ZNF141: variants seen among roughly 807,000 people sequenced by gnomAD.
The protein encoded by ZNF141 is zinc finger protein 141.
ZNF141 carries 7 observed loss-of-function variants against 11.3 expected under a neutral mutation model. That is an observed-to-expected ratio of 0.62 (90% CI 0.35 to 1.16). ZNF141 has a LOEUF of 1.16. Among genes scored for constraint, ZNF141 ranks in the 50% most tolerant of loss-of-function variants. ZNF141 has a pLI of 0.02. For missense variants in ZNF141, 535 were observed against 554.0 expected (o/e 0.97, Z 0.34); for synonymous variants, 183 against 190.7 (o/e 0.96, Z 0.33).
chr4:345,493 C>G (rs1721276473), intron 3 of ZNF141, among the ~76,000 whole-genome samples: 1 of 152,092 alleles, frequency 6.6e-6, no homozygotes, highest in Non-Finnish European at 1.5e-5. Context: ...CTAATGATAG[C>G]TGATGAGCTC....
chr4:355,674 T>A (rs1265571150), intron 3 of ZNF141, among the ~76,000 whole-genome samples: 3 of 152,252 alleles, frequency 2.0e-5, no homozygotes, highest in African/African-American at 7.2e-5. Flanking sequence ...TGTTGATTTT[T>A]AAAATCGATT....
In ZNF141 at chr4:373,550, A is replaced by G; in HGVS notation, c.1113A>G (p.Glu371=). Residue 371 remains glutamate, a synonymous_variant, in exon 4 of 4, where the codon GAA becomes GAG. Coordinates refer to ENST00000240499, the MANE Select transcript of ZNF141 (RefSeq NM_003441.4). ...GAGAGCGGCCCTACAAATGTGATGAATGTGGCAAAGCCTTTGGACGGTCCA... is the reference window on the plus strand; with the variant it reads ...GAGAGCGGCCCTACAAATGTGATGAGTGTGGCAAAGCCTTTGGACGGTCCA... ...HTGERPYKCD[E]CGKAFGRSRV... 1 of 1,614,000 alleles carries G rather than the reference A, an allele frequency of 6.2e-7. No homozygotes were observed. The highest frequency in any genetic ancestry group is 8.5e-7 in the Non-Finnish European group (1 of 1,179,902).
rs7699503 is a variant in ZNF141 at position 374,028 on chromosome 4, G to A, written c.*166G>A. The A allele has an allele frequency of 0.01, 7,060 of 680,888 alleles. 336 individuals are homozygous for A. The African/African-American group carries it at 0.11, about 11-fold the overall frequency. 42.2% of individuals were successfully genotyped at this position (680,888 alleles called of 1,614,324 possible). On this transcript the variant is annotated 3_prime_UTR_variant, in exon 4 of 4. Transcript: ENST00000240499. ...TGATAAACATAAGAGAATTCATACC[G>A]GAGAGAAACTGTACAAATGTGAAGA...
At chr4:354,317 C>A (rs1306384891) in intron 3 of ZNF141, among the ~76,000 whole-genome samples, 1 of 152,210 alleles carries the variant, frequency 6.6e-6, no homozygotes, top group Admixed American at 6.5e-5. Context: ...TGCCCAAGGT[C>A]ACCCTGCAGG....
intron 1 of ZNF141, chr4:338,193 G>C: frequency 1.8e-6 from 1 of 558,458 alleles, no homozygotes; most frequent in Non-Finnish European, 3.1e-6. Flanking sequence ...GTGCAGCTCT[G>C]CGCCCGCAGC....
In ZNF141 at chr4:373,352, T is replaced by C. The variant is rs200068717; in HGVS notation, c.915T>C (p.His305=). 2.5e-6 allele frequency: 4 copies of C among 1,614,006 alleles called. No individual in the cohort carries two copies. The highest frequency in any genetic ancestry group is 3.4e-6 in the Non-Finnish European group (4 of 1,179,938). The part of the protein sequence containing the change: ...SSNFAKHKRI[H]TGEKPYKCEE... ...ACTTTGCCAAACATAAGCGAATTCA[T>C]ACTGGAGAGAAACCCTACAAATGTG... Residue 305 remains histidine, a synonymous_variant, in exon 4 of 4, where the codon CAT becomes CAC. Transcript: ENST00000240499.
chr4:373,748 C>T lies in ZNF141; in HGVS notation c.1311C>T (p.Leu437=). Residue 437 remains leucine (L), a synonymous_variant, in exon 4 of 4, where the codon CTC becomes CTT. Transcript: ENST00000240499. ...ECDKAFKQFS[L]LSQHKKIHTV... is the part of the protein sequence containing the mutation. ...ACAAAGCCTTTAAACAATTTTCGCT[C>T]CTGAGTCAACATAAGAAAATTCATA... 6.2e-7 allele frequency: 1 copy of T among 1,614,054 alleles called. No individual in the cohort carries two copies.
chr4:357,445 T>C (rs1553851355), intron 3 of ZNF141, among the ~76,000 whole-genome samples: 1 of 151,904 alleles, frequency 6.6e-6, no homozygotes, highest in African/African-American at 2.4e-5. Flanking sequence ...GAATCTCTCT[T>C]TGTCTTTGAA....
intron 3 of ZNF141, among the ~76,000 whole-genome samples, chr4:364,052 T>C (rs28867109): frequency 0.011 from 1,674 of 152,300 alleles, 26 homozygotes; most frequent in African/African-American, 0.038. Flanking sequence ...GAGTTGATCA[T>C]GGTAGATGAG....
Position 362,257 on chromosome 4 carries a change from C to G in ZNF141, c.227-10407C>G, listed in dbSNP as rs141115278. 9.0e-3 allele frequency among the ~76,000 whole-genome samples: 1,370 copies of G among 152,190 alleles called. 18 individuals carry two copies. Among genetic ancestry groups the G allele is most frequent in the African/African-American group, 0.031 (1,305 of 41,530 alleles). On this transcript the variant is annotated intron_variant, in intron 3 of 3. Transcript: ENST00000240499. The stretch of plus-strand genomic sequence containing the variant: ...TTCTTCTTGTAAATTTGTTTGAATT[C>G]TTTGTAGATTCTGGTTATTAGCCCT...
chr4:355,886 A>G (rs1553851146), intron 3 of ZNF141, among the ~76,000 whole-genome samples: 1 of 152,184 alleles, frequency 6.6e-6, no homozygotes, highest in Admixed American at 6.5e-5. Flanking sequence ...GGTGTACACC[A>G]GAGCTCACTT....
chr4:378,260 A>G lies in ZNF141; in HGVS notation c.*4398A>G, dbSNP rs1712459870. 6.6e-6 allele frequency: 1 copy of G among 152,096 alleles called. No homozygotes were observed. Among genetic ancestry groups the G allele is most frequent in the African/African-American group, 2.4e-5 (1 of 41,408 alleles). The allele number at this position is 152,096 out of a possible 1,614,324, so 9.4% of individuals were successfully genotyped here. A position where few individuals can be genotyped will look rare whatever the true frequency, so the allele number is the denominator to read the frequency against. ...GTGACATAGCAAAACATTTTTCCAT[A>G]CAAAATCTTCTATTTATTTATTTAT... On this transcript the variant is annotated 3_prime_UTR_variant, in exon 4 of 4. Transcript: ENST00000240499.
At chr4:372,138 A>G (rs1712098610) in intron 3 of ZNF141, among the ~76,000 whole-genome samples, 1 of 152,204 alleles carries the variant, frequency 6.6e-6, no homozygotes, top group South Asian at 2.1e-4. Flanking sequence ...GCCTGTATTT[A>G]GCACTGCAGT....
At position 381,400 on chromosome 4, in the gene ZNF141, C is replaced by CTTTTTTTTTTTTTTTTTT. The variant is rs34721227; in HGVS notation, c.*7547_*7564dup. ...CTATTTAATACAGACTTCAAATGTGCTTTTTTTTTTTTTTTTTTTTTTTTT... is the reference window on the plus strand; with the variant it reads ...CTATTTAATACAGACTTCAAATGTGCTTTTTTTTTTTTTTTTTTTTTTTTTTTTTTTTTTTTTTTTTTT... On this transcript the variant is annotated 3_prime_UTR_variant, in exon 4 of 4. Transcript: ENST00000240499. 1.3e-5 allele frequency among the ~76,000 whole-genome samples: 1 copy of CTTTTTTTTTTTTTTTTTT among 76,936 alleles called. No homozygotes were observed. The highest frequency in any genetic ancestry group is 6.1e-5 in the African/African-American group (1 of 16,424). The allele number at this position is 76,936 out of a possible 152,430, so 50.5% of individuals were successfully genotyped here.
rs1553855023 is a variant in ZNF141 at position 378,682 on chromosome 4, G to A, written c.*4820G>A. Among the ~76,000 whole-genome samples the A allele has an allele frequency of 1.3e-5, 2 of 152,072 alleles. No homozygotes were observed. The highest frequency in any genetic ancestry group is 1.3e-4 in the Admixed American group (2 of 15,228). ...GTCCAGATTCATATTACAATCTTGA[G>A]GAATTTCTCATAATTCTTTGTTTTA... On this transcript the variant is annotated 3_prime_UTR_variant, in exon 4 of 4. Coordinates refer to ENST00000240499, the MANE Select transcript of ZNF141 (RefSeq NM_003441.4).
At chr4:349,446 A>G (rs781799457) in intron 3 of ZNF141, among the ~76,000 whole-genome samples, 1 of 152,148 alleles carries the variant, frequency 6.6e-6, no homozygotes, top group Admixed American at 6.5e-5. Flanking sequence ...GGAGAGCTTT[A>G]TTCTCCTTTT....
rs1298355948 is a variant in ZNF141, at chr4:380,371, C to T, written c.*6509C>T. 2.0e-5 allele frequency among the ~76,000 whole-genome samples: 3 copies of T among 151,974 alleles called. No homozygotes were observed. The highest frequency in any genetic ancestry group is 1.9e-4 in the East Asian group (1 of 5,162). ...TATATGTGTTAATAAATTTTATTTT[C>T]GGCCAGGCGTGGTGGCTCACACCTG... On this transcript the variant is annotated 3_prime_UTR_variant, in exon 4 of 4. Coordinates refer to ENST00000240499, the MANE Select transcript of ZNF141 (RefSeq NM_003441.4).
intron 3 of ZNF141, among the ~76,000 whole-genome samples, chr4:365,906 A>T (rs1256907745): frequency 1.3e-5 from 2 of 152,226 alleles, no homozygotes; most frequent in African/African-American, 4.8e-5. Context: ...GTCTTTTTCC[A>T]AATGTGTGTT....
rs1388218432 is a variant in ZNF141, at chr4:380,970, T to C, written c.*7108T>C. Among the ~76,000 whole-genome samples, 1 of 152,184 alleles carries C rather than the reference T, an allele frequency of 6.6e-6. No homozygotes were observed. Among genetic ancestry groups the C allele is most frequent in the Non-Finnish European group, 1.5e-5 (1 of 68,040 alleles). The stretch of plus-strand genomic sequence containing the variant: ...AACCATATAAACTCTAGAATTGCCC[T>C]TCGATACTGACGTACTTGGGAACAG... On this transcript the variant is annotated 3_prime_UTR_variant, in exon 4 of 4. Coordinates refer to ENST00000240499, the MANE Select transcript of ZNF141 (RefSeq NM_003441.4).
Sources: gnomAD v4.1 joint callset for allele counts (sites outside exome capture counted in the v4.1 genomes callset) on GRCh38, gnomAD v4.1.1 for gene constraint, MANE v1.5 for transcripts, NCBI Gene and HGNC (gene_info 2026-07-23, HGNC 2026-07-21) for gene names.